GLYATL1B: variants seen among roughly 807,000 people sequenced by gnomAD.
The protein encoded by GLYATL1B is glycine-N-acyltransferase like 1B, also known as putative glycine N-acyltransferase-like protein 1B.
Under a neutral mutation model 5.5 loss-of-function variants are expected in GLYATL1B, and 6 were observed. The ratio of observed to expected loss-of-function variants is 1.09; its 90% CI spans 0.60 to 2.15. GLYATL1B has a LOEUF of 2.15. Ranked by LOEUF, GLYATL1B falls within the 30% of genes most tolerant of loss-of-function variation. GLYATL1B has a pLI of 0.00. For missense variants in GLYATL1B, 135 were observed against 94.1 expected, an observed-to-expected ratio of 1.43 and a Z score of -1.80; for synonymous variants, 67 against 34.9, an observed-to-expected ratio of 1.92 and a Z score of -3.24.
At chr11:59,089,957 T>G (rs1354307188) in intron 2 of GLYATL1B, among the ~76,000 whole-genome samples, 1 of 152,096 alleles carries the variant, frequency 6.6e-6, no homozygotes, top group Non-Finnish European at 1.5e-5. Context: ...TGAGTTAATT[T>G]TTACTTTTGA....
rs924761057 is a variant in GLYATL1B, at chr11:59,093,591, A to C, written c.249A>C (p.Gln83His). The change falls in exon 3 of 5, where the codon CAA (glutamine) becomes CAC (histidine). Residue 83 changes from glutamine to histidine, a missense_variant. Transcript: ENST00000527482. ...ATCGTGTATTCTCCAAAGACCCTCA[A>C]AAATCACAAGAAGTTTTGAAAAATT... ...NVYRVFSKDP[Q>H]KSQEVLKNSE... 1 of 490,872 alleles carries C rather than the reference A, an allele frequency of 2.0e-6. No individual in the cohort carries two copies. The highest frequency in any genetic ancestry group is 2.0e-5 in the African/African-American group (1 of 50,494). The allele number at this position is 490,872 out of a possible 1,614,324, so 30.4% of individuals were successfully genotyped here. A position where few individuals can be genotyped will look rare whatever the true frequency, so the allele number is the denominator to read the frequency against.
At chr11:59,093,227 A>G (rs537897562) in intron 2 of GLYATL1B, among the ~76,000 whole-genome samples, 16 of 152,316 alleles carry the variant, frequency 1.1e-4, no homozygotes, top group South Asian at 2.1e-4. Context: ...TAGGGAGAAA[A>G]GTGAGGCATC....
rs59326247 is a variant in GLYATL1B, at chr11:59,093,509, C to T, written c.187-20C>T. 8.5e-3 allele frequency: 4,062 copies of T among 477,072 alleles called. 135 individuals carry two copies. The highest frequency in any genetic ancestry group is 0.071 in the African/African-American group (3,589 of 50,640). The allele number at this position is 477,072 out of a possible 1,614,324, so 29.6% of individuals were successfully genotyped here. A position where few individuals can be genotyped will look rare whatever the true frequency, so the allele number is the denominator to read the frequency against. On this transcript the variant is annotated intron_variant, in intron 2 of 4. Coordinates refer to ENST00000527482, the MANE Select transcript of GLYATL1B (RefSeq NM_001355566.1). The stretch of plus-strand genomic sequence containing the variant: ...GAAAAAGTTCAAGGGAATGATCTGA[C>T]CTTTCACCATCCTACACAGGAGATG...
intron 2 of GLYATL1B, among the ~76,000 whole-genome samples, chr11:59,089,019 A>T (rs1859251524): frequency 2.6e-5 from 4 of 152,250 alleles, no homozygotes; most frequent in African/African-American, 7.2e-5. Flanking sequence ...GAAGTTAATA[A>T]CCTCTCACCT....
At chr11:59,091,278 G>A (rs960343427) in intron 2 of GLYATL1B, among the ~76,000 whole-genome samples, 3 of 152,060 alleles carry the variant, frequency 2.0e-5, no homozygotes, top group Admixed American at 6.5e-5. Context: ...AAAATTATGT[G>A]TTTGGTTTTG....
At chr11:59,090,522 T>TA (rs1859286457) in intron 2 of GLYATL1B, among the ~76,000 whole-genome samples, 1 of 151,870 alleles carries the variant, frequency 6.6e-6, no homozygotes. Context: ...TACCCTTAGG[T>TA]ATTTTATATT....
chr11:59,090,774 T>A (rs1390324996), intron 2 of GLYATL1B, among the ~76,000 whole-genome samples: 2 of 152,192 alleles, frequency 1.3e-5, no homozygotes, highest in South Asian at 4.1e-4. Flanking sequence ...TTTGTATGGG[T>A]TTTTACTTTC....
chr11:59,086,989 T>C (rs1859205537), intron 1 of GLYATL1B, 75 bp from the exon 2 acceptor site: 1 of 502,820 alleles, frequency 2.0e-6, no homozygotes, highest in Admixed American at 3.1e-5. Flanking sequence ...TCTCCATTTT[T>C]CTCTTCCTCT....
chr11:59,088,430 T>C (rs914850784), intron 2 of GLYATL1B, among the ~76,000 whole-genome samples: 2 of 152,180 alleles, frequency 1.3e-5, no homozygotes, highest in African/African-American at 4.8e-5. Context: ...GTATAGACAC[T>C]GAGCCCCCAC....
At chr11:59,092,142 C>T (rs781033184) in intron 2 of GLYATL1B, among the ~76,000 whole-genome samples, 1 of 151,848 alleles carries the variant, frequency 6.6e-6, no homozygotes, top group Non-Finnish European at 1.5e-5. Context: ...TTTCCATTCT[C>T]ATGGCTCATA....
At chr11:59,088,842 C>T (rs1416759986) in intron 2 of GLYATL1B, among the ~76,000 whole-genome samples, 1 of 152,138 alleles carries the variant, frequency 6.6e-6, no homozygotes, top group Admixed American at 6.5e-5. Context: ...CCATAGTATA[C>T]CATGTTTCTT....
At chr11:59,089,709 G>A (rs1859268117) in intron 2 of GLYATL1B, among the ~76,000 whole-genome samples, 1 of 152,056 alleles carries the variant, frequency 6.6e-6, no homozygotes, top group South Asian at 2.1e-4. Context: ...AATTCTCTAT[G>A]TGTTTTGGAT....
rs973267036 is a variant in GLYATL1B at position 59,094,583 on chromosome 11, G to T, written c.706G>T (p.Glu236Ter). The change falls in exon 5 of 5, where the codon GAA becomes TAA. Residue 236 changes from glutamate to a stop codon, truncating the protein, a stop_gained. Transcript: ENST00000527482. LOFTEE classifies it low-confidence loss of function (END_TRUNC). ...TGAAATAGGAATGGGCTACAGTGTGGAAAAATACCGAAGGAGAGGCAATGG... is the reference window on the plus strand; with the variant it reads ...TGAAATAGGAATGGGCTACAGTGTGTAAAAATACCGAAGGAGAGGCAATGG... ...SCEIGMGYSV[E>*]KYRRRGNGTR... 1.8e-5 allele frequency: 9 copies of T among 502,884 alleles called. No homozygotes were observed. Among genetic ancestry groups the T allele is most frequent in the Non-Finnish European group, 2.8e-5 (8 of 280,978 alleles). The allele number at this position is 502,884 out of a possible 1,614,324, so 31.2% of individuals were successfully genotyped here. A position where few individuals can be genotyped will look rare whatever the true frequency, so the allele number is the denominator to read the frequency against.
At chr11:59,092,362 G>T (rs1859333059) in intron 2 of GLYATL1B, among the ~76,000 whole-genome samples, 1 of 151,778 alleles carries the variant, frequency 6.6e-6, no homozygotes, top group African/African-American at 2.4e-5. Flanking sequence ...TTATTTTCTA[G>T]TCTACTTTGA....
chr11:59,087,153 T>A lies in GLYATL1B; in HGVS notation c.168T>A (p.Ile56=), dbSNP rs1359543240. Residue 56 remains isoleucine (I), a synonymous_variant, in exon 2 of 5, where the codon ATT becomes ATA. Coordinates refer to ENST00000527482, the MANE Select transcript of GLYATL1B (RefSeq NM_001355566.1). ...CCTGGCCCGAGTATCAGATGGTTAT[T>A]ATCCGACCTCAAAAACAGGTAGGCA... The part of the protein sequence containing the change: ...VDSWPEYQMV[I]IRPQKQEMTD... 3 of 631,944 alleles carry A rather than the reference T, an allele frequency of 4.7e-6. No homozygotes were observed. The highest frequency in any genetic ancestry group is 8.6e-6 in the Non-Finnish European group (3 of 350,716). The allele number at this position is 631,944 out of a possible 1,614,324, so 39.1% of individuals were successfully genotyped here. A position where few individuals can be genotyped will look rare whatever the true frequency, so the allele number is the denominator to read the frequency against.
rs1361478551 is a variant in GLYATL1B at position 59,094,536 on chromosome 11, G to A, written c.659G>A (p.Trp220Ter). ...MLGPEGVPVS[W>*]VTMDPSCEIG... Reference sequence around the variant, plus strand: ...GGCCCAGAGGGGGTCCCGGTCTCATGGGTAACCATGGACCCTTCTTGTGAA... The same window carrying A: ...GGCCCAGAGGGGGTCCCGGTCTCATAGGTAACCATGGACCCTTCTTGTGAA... The change falls in exon 5 of 5, where the codon TGG becomes TAG. Residue 220 changes from tryptophan (W) to a stop codon, truncating the protein, a stop_gained. Coordinates refer to ENST00000527482, the MANE Select transcript of GLYATL1B (RefSeq NM_001355566.1). LOFTEE classifies it low-confidence loss of function (END_TRUNC). The A allele has an allele frequency of 5.1e-5, 38 of 741,870 alleles. No homozygotes were observed. Among genetic ancestry groups the A allele is most frequent in the Non-Finnish European group, 8.5e-5 (38 of 449,114 alleles). 46.0% of individuals were successfully genotyped at this position (741,870 alleles called of 1,614,324 possible).
chr11:59,091,467 G>C (rs1218273452), intron 2 of GLYATL1B, among the ~76,000 whole-genome samples: 1 of 152,138 alleles, frequency 6.6e-6, no homozygotes, highest in Non-Finnish European at 1.5e-5. Context: ...CATAGTACCC[G>C]ATAGGTAGTT....
rs192514149 is a variant in GLYATL1B, at chr11:59,087,332, A to C, written c.186+161A>C. ...CAGCTTGCGTGAGTGCCACATGTTA[A>C]CACTCTTCCTGTAAAGCATAAGACT... On this transcript the variant is annotated intron_variant, in intron 2 of 4. Transcript: ENST00000527482. 2.4e-3 allele frequency among the ~76,000 whole-genome samples: 364 copies of C among 151,894 alleles called. 9 individuals carry two copies. In the South Asian group the frequency reaches 0.048, roughly 20 times the overall value.
rs895802568 is a variant in GLYATL1B at position 59,087,158 on chromosome 11, G to A, written c.173G>A (p.Arg58Gln). ...CCCGAGTATCAGATGGTTATTATCC[G>A]ACCTCAAAAACAGGTAGGCACACAG... ...SWPEYQMVIIRPQKQEMTDDM... is the reference protein window; with the variant it reads ...SWPEYQMVIIQPQKQEMTDDM... The change falls in exon 2 of 5, where the codon CGA becomes CAA. Residue 58 changes from arginine to glutamine, a missense_variant. Coordinates refer to ENST00000527482, the MANE Select transcript of GLYATL1B (RefSeq NM_001355566.1). 101 of 628,094 alleles carry A rather than the reference G, an allele frequency of 1.6e-4. No individual in the cohort carries two copies. The highest frequency in any genetic ancestry group is 4.2e-4 in the South Asian group (17 of 40,532). The allele number at this position is 628,094 out of a possible 1,614,324, so 38.9% of individuals were successfully genotyped here. A position where few individuals can be genotyped will look rare whatever the true frequency, so the allele number is the denominator to read the frequency against.
Sources: gnomAD v4.1 joint callset for allele counts (sites outside exome capture counted in the v4.1 genomes callset) on GRCh38, gnomAD v4.1.1 for gene constraint, MANE v1.5 for transcripts, NCBI Gene and HGNC (gene_info 2026-07-23, HGNC 2026-07-21) for gene names.